Variants in GAS7 observed in about 807,000 individuals in gnomAD.
GAS7 encodes the protein growth arrest specific 7.
GAS7 carries 28 observed loss-of-function variants against 71.1 expected under a neutral mutation model. The ratio of observed to expected loss-of-function variants is 0.39; its 90% CI spans 0.29 to 0.54. The LOEUF (loss-of-function observed/expected upper bound fraction) is 0.54, where lower values mean the gene tolerates loss of function less well. GAS7 is among the 20% of genes least tolerant of loss of function. The probability of loss-of-function intolerance (pLI) is 0.62; values close to 1 mark genes in which losing one functional copy is unlikely to be tolerated. For missense variants in GAS7, 436 were observed against 627.8 expected, an observed-to-expected ratio of 0.69 and a Z score of 3.27; for synonymous variants, 258 against 245.8, an observed-to-expected ratio of 1.05 and a Z score of -0.46.
At chr17:10,055,448 C>T (rs2073123498) in intron 1 of GAS7, among the ~76,000 whole-genome samples, 1 of 152,190 alleles carries the variant, frequency 6.6e-6, no homozygotes, top group African/African-American at 2.4e-5. Flanking sequence ...CCTCCCTGTT[C>T]CCAGACTTCC....
At chr17:10,031,270 C>T (rs928236048) in intron 1 of GAS7, among the ~76,000 whole-genome samples, 58 of 152,296 alleles carry the variant, frequency 3.8e-4, no homozygotes, top group African/African-American at 1.3e-3. Context: ...GAACAATAGA[C>T]TCTGTATTTT....
In GAS7 at chr17:9,983,175, G is replaced by A. The variant is rs556061549; in HGVS notation, c.305-1291C>T. On this transcript the variant is annotated intron_variant, in intron 2 of 13. Transcript: ENST00000432992. The stretch of plus-strand genomic sequence containing the variant: ...AAATCAAACTATAGATTCTTTTTAT[G>A]TATAAATTTTTGTGAATACCTTTCC... Among the ~76,000 whole-genome samples the A allele has an allele frequency of 2.4e-3, 367 of 152,178 alleles. 2 individuals carry two copies. Among genetic ancestry groups the A allele is most frequent in the Non-Finnish European group, 2.8e-3 (192 of 67,998 alleles).
At chr17:9,928,100 ATTTATTT>A (rs1597462813) in intron 9 of GAS7, among the ~76,000 whole-genome samples, 2 of 150,980 alleles carry the variant, frequency 1.3e-5, no homozygotes, top group African/African-American at 4.9e-5. Flanking sequence ...CATAACATTT[ATTTATTT>A]TTTATTTATT....
chr17:10,183,525 G>T (rs574167735), intron 1 of GAS7, among the ~76,000 whole-genome samples: 30 of 152,290 alleles, frequency 2.0e-4, no homozygotes, highest in African/African-American at 6.7e-4. Flanking sequence ...ATCCTCAGAG[G>T]AGCCCTGGGA....
intron 1 of GAS7, among the ~76,000 whole-genome samples, chr17:10,080,345 C>T (rs534979592): frequency 4.6e-5 from 7 of 152,282 alleles, no homozygotes; most frequent in Non-Finnish European, 8.8e-5. Flanking sequence ...CCTGCCCCTG[C>T]CACCTTTCCT....
chr17:9,985,884 C>T (rs1012957051), intron 2 of GAS7, among the ~76,000 whole-genome samples: 2 of 152,198 alleles, frequency 1.3e-5, no homozygotes, highest in Admixed American at 6.5e-5. Context: ...CTTCCTTCCC[C>T]GGGGGTTGCT....
chr17:9,991,028 C>T (rs1398885799), intron 2 of GAS7, among the ~76,000 whole-genome samples: 1 of 151,894 alleles, frequency 6.6e-6, no homozygotes, highest in Non-Finnish European at 1.5e-5. Context: ...GTGTTGAGGA[C>T]AGGACTCAGT....
chr17:10,126,370 A>G (rs1313383010), intron 1 of GAS7, among the ~76,000 whole-genome samples: 1 of 142,672 alleles, frequency 7.0e-6, no homozygotes, highest in Non-Finnish European at 1.6e-5. Flanking sequence ...ACTCTTGCAC[A>G]CACACCCACA....
chr17:10,056,993 G>C (rs113655141), intron 1 of GAS7, among the ~76,000 whole-genome samples: 1,684 of 152,092 alleles, frequency 0.011, 31 homozygotes, highest in African/African-American at 0.037. Context: ...ACGGGGTTTC[G>C]CTGTGTTGGC....
At chr17:10,121,436 G>A (rs1052791863) in intron 1 of GAS7, among the ~76,000 whole-genome samples, 1 of 152,130 alleles carries the variant, frequency 6.6e-6, no homozygotes, top group Admixed American at 6.6e-5. Context: ...TCTGGAGAGA[G>A]ATGGCCTGGT....
intron 1 of GAS7, among the ~76,000 whole-genome samples, chr17:10,100,635 T>C (rs1445922882): frequency 6.6e-6 from 1 of 152,058 alleles, no homozygotes; most frequent in Non-Finnish European, 1.5e-5. Context: ...AGGATGGGGC[T>C]GATCCACCTC....
At chr17:10,166,747 A>T (rs2074296859) in intron 1 of GAS7, among the ~76,000 whole-genome samples, 1 of 152,240 alleles carries the variant, frequency 6.6e-6, no homozygotes. Flanking sequence ...TGAAAATACA[A>T]GATGATAAAA....
At position 9,913,143 on chromosome 17, in the gene GAS7, T is replaced by C. The variant is rs1488463000; in HGVS notation, c.*4085A>G. On this transcript the variant is annotated 3_prime_UTR_variant, in exon 14 of 14. Coordinates refer to ENST00000432992, the MANE Select transcript of GAS7 (RefSeq NM_201433.2). ...TTGTCAAAATTCACAGAGCTGTATA[T>C]TTCCAAAGGGTGAATTTTACTGGAT... 1 of 232,272 alleles carries C rather than the reference T, an allele frequency of 4.3e-6. No individual in the cohort carries two copies. Among genetic ancestry groups the C allele is most frequent in the East Asian group, 6.1e-5 (1 of 16,460 alleles). The allele number at this position is 232,272 out of a possible 1,614,324, so 14.4% of individuals were successfully genotyped here.
chr17:10,122,761 T>A (rs1021510495), intron 1 of GAS7, among the ~76,000 whole-genome samples: 1 of 152,288 alleles, frequency 6.6e-6, no homozygotes, highest in African/African-American at 2.4e-5. Context: ...AAGCTGAAGA[T>A]CTTTTTTTTA....
chr17:9,973,530 C>T (rs980049754), intron 3 of GAS7, among the ~76,000 whole-genome samples: 15 of 152,044 alleles, frequency 9.9e-5, no homozygotes, highest in African/African-American at 2.9e-4. Context: ...CTGGGATTAC[C>T]GGCATGAGCC....
intron 9 of GAS7, among the ~76,000 whole-genome samples, chr17:9,929,946 T>C (rs576048389): frequency 7.2e-5 from 11 of 152,332 alleles, no homozygotes; most frequent in Middle Eastern, 6.8e-3. Flanking sequence ...CATCAGTTTT[T>C]CTTTCCAAAA....
chr17:10,127,505 AT>A (rs2073960433), intron 1 of GAS7, among the ~76,000 whole-genome samples: 1 of 152,238 alleles, frequency 6.6e-6, no homozygotes, highest in African/African-American at 2.4e-5. Flanking sequence ...CCAGCACCTC[AT>A]CAAACAGTCC....
At chr17:10,024,119 G>A (rs1379213841) in intron 1 of GAS7, among the ~76,000 whole-genome samples, 1 of 151,984 alleles carries the variant, frequency 6.6e-6, no homozygotes, top group Non-Finnish European at 1.5e-5. Flanking sequence ...GTGAGACTCT[G>A]TTTCAAAAAT....
chr17:10,177,186 C>A (rs750535933), intron 1 of GAS7, among the ~76,000 whole-genome samples: 1 of 152,152 alleles, frequency 6.6e-6, no homozygotes, highest in Non-Finnish European at 1.5e-5. Context: ...AAAGGCCACA[C>A]AGAGGAAGGG....
Sources: gnomAD v4.1 joint callset for allele counts (sites outside exome capture counted in the v4.1 genomes callset) on GRCh38, gnomAD v4.1.1 for gene constraint, MANE v1.5 for transcripts, NCBI Gene and HGNC (gene_info 2026-07-23, HGNC 2026-07-21) for gene names.